IMMP2L: variants seen among roughly 807,000 people sequenced by gnomAD.
The protein encoded by IMMP2L is inner mitochondrial membrane peptidase subunit 2.
A neutral mutation model predicts 19.3 loss-of-function variants in IMMP2L; 18 were observed. The observed-to-expected ratio is 0.93, with a 90% CI of 0.64 to 1.38. The LOEUF (loss-of-function observed/expected upper bound fraction) is 1.38, where lower values mean the gene tolerates loss of function less well. IMMP2L is among the 40% of genes most tolerant of loss of function. The pLI is 0.00. For missense variants in IMMP2L, 233 were observed against 218.2 expected (o/e 1.07, Z -0.43); for synonymous variants, 76 against 73.0 (o/e 1.04, Z -0.21).
At chr7:110,847,467 T>G (rs10256612) in intron 5 of IMMP2L, among the ~76,000 whole-genome samples, 8,135 of 152,218 alleles carry the variant, frequency 0.053, 706 homozygotes, top group African/African-American at 0.18. Flanking sequence ...AAAAGTAAAA[T>G]AGCATTACTT....
At chr7:110,951,851 C>A (rs1817867302) in intron 4 of IMMP2L, among the ~76,000 whole-genome samples, 2 of 152,056 alleles carry the variant, frequency 1.3e-5, no homozygotes, top group South Asian at 2.1e-4. Flanking sequence ...AAATCAATAA[C>A]TTGAATGTAT....
intron 5 of IMMP2L, among the ~76,000 whole-genome samples, chr7:110,666,812 A>G (rs1208644677): frequency 6.6e-6 from 1 of 152,224 alleles, no homozygotes; most frequent in Non-Finnish European, 1.5e-5. Flanking sequence ...CAAGGTGACT[A>G]CACTACAACC....
intron 3 of IMMP2L, among the ~76,000 whole-genome samples, chr7:111,271,407 A>C (rs1818458333): frequency 6.6e-6 from 1 of 152,036 alleles, no homozygotes; most frequent in African/African-American, 2.4e-5. Flanking sequence ...ACAAATTAAG[A>C]CTGCTTTTGG....
intron 4 of IMMP2L, among the ~76,000 whole-genome samples, chr7:110,937,225 G>T (rs1333552306): frequency 6.6e-6 from 1 of 151,984 alleles, no homozygotes. Context: ...AAAACATTAC[G>T]CTAAGTGAAA....
intron 3 of IMMP2L, among the ~76,000 whole-genome samples, chr7:111,054,870 T>C (rs909475666): frequency 2.0e-5 from 3 of 152,152 alleles, no homozygotes; most frequent in East Asian, 1.9e-4. Flanking sequence ...TAGTAAAAGA[T>C]AGAAGAGAAT....
intron 1 of IMMP2L, among the ~76,000 whole-genome samples, chr7:111,537,971 T>C (rs1226116816): frequency 6.6e-6 from 1 of 152,034 alleles, no homozygotes; most frequent in Non-Finnish European, 1.5e-5. Flanking sequence ...CCTTTCTTTG[T>C]TTTGGCCAGC....
chr7:110,825,468 G>T (rs1395027235), intron 5 of IMMP2L, among the ~76,000 whole-genome samples: 1 of 152,072 alleles, frequency 6.6e-6, no homozygotes, highest in African/African-American at 2.4e-5. Flanking sequence ...AAAACAGCAT[G>T]GTACTGGTAC....
At chr7:110,767,886 A>G (rs1330905962) in intron 5 of IMMP2L, among the ~76,000 whole-genome samples, 3 of 152,102 alleles carry the variant, frequency 2.0e-5, no homozygotes, top group Non-Finnish European at 4.4e-5. Flanking sequence ...CACTTAAGAC[A>G]TTTTTTTGGA....
At chr7:110,683,028 G>A (rs1792844140) in intron 5 of IMMP2L, among the ~76,000 whole-genome samples, 1 of 152,110 alleles carries the variant, frequency 6.6e-6, no homozygotes, top group Non-Finnish European at 1.5e-5. Context: ...GGGCCATTGA[G>A]ATTAGTGCAC....
At chr7:110,823,764 GA>G (rs981826920) in intron 5 of IMMP2L, among the ~76,000 whole-genome samples, 16 of 152,006 alleles carry the variant, frequency 1.1e-4, no homozygotes, top group Non-Finnish European at 2.4e-4. Flanking sequence ...ACTAACAGAT[GA>G]AAAAAATTCT....
intron 4 of IMMP2L, among the ~76,000 whole-genome samples, chr7:110,946,233 T>A (rs1817237243): frequency 6.6e-6 from 1 of 152,194 alleles, no homozygotes; most frequent in Non-Finnish European, 1.5e-5. Flanking sequence ...ACAAGTTCCC[T>A]GCTGACTCTG....
chr7:110,907,992 C>T lies in IMMP2L; in HGVS notation c.306-21297G>A, dbSNP rs1409839364. On this transcript the variant is annotated intron_variant, in intron 4 of 5. Coordinates refer to ENST00000405709, the MANE Select transcript of IMMP2L (RefSeq NM_032549.4). ...ACTTGCTGCTTGGCTGGATATGTCT[C>T]ATGAGCAAGAGGGAGGAGTTAAAGA... Among the ~76,000 whole-genome samples the T allele has an allele frequency of 3.3e-5, 5 of 152,124 alleles. No individual in the cohort carries two copies. In the South Asian group the frequency reaches 1.0e-3, roughly 32 times the overall value.
At chr7:111,113,122 T>A (rs998796054) in intron 3 of IMMP2L, among the ~76,000 whole-genome samples, 1 of 152,154 alleles carries the variant, frequency 6.6e-6, no homozygotes, top group African/African-American at 2.4e-5. Context: ...CTCCAAAATA[T>A]AATTTTAAGA....
intron 3 of IMMP2L, among the ~76,000 whole-genome samples, chr7:111,041,522 C>CT (rs900465319): frequency 1.3e-5 from 2 of 151,412 alleles, no homozygotes; most frequent in African/African-American, 4.9e-5. Context: ...AAGTTAAACT[C>CT]TTTTTGATAT....
At chr7:111,434,777 C>T (rs943404184) in intron 3 of IMMP2L, among the ~76,000 whole-genome samples, 2 of 151,728 alleles carry the variant, frequency 1.3e-5, no homozygotes, top group African/African-American at 4.9e-5. Context: ...TGGTCTCAAA[C>T]TCTTGACCTC....
At chr7:111,089,184 G>T (rs578057982) in intron 3 of IMMP2L, among the ~76,000 whole-genome samples, 2 of 152,142 alleles carry the variant, frequency 1.3e-5, no homozygotes, top group African/African-American at 2.4e-5. Context: ...AAACTGAAAA[G>T]ATTTTTTCTT....
At chr7:110,753,583 G>A (rs1797860437) in intron 5 of IMMP2L, among the ~76,000 whole-genome samples, 1 of 151,986 alleles carries the variant, frequency 6.6e-6, no homozygotes, top group Admixed American at 6.6e-5. Flanking sequence ...ACCACATGCA[G>A]GAATTGCAAA....
chr7:111,137,152 T>C (rs937982731), intron 3 of IMMP2L, among the ~76,000 whole-genome samples: 1 of 152,162 alleles, frequency 6.6e-6, no homozygotes, highest in Admixed American at 6.6e-5. Flanking sequence ...CACTTTCTAG[T>C]GGCAATAAGG....
intron 3 of IMMP2L, among the ~76,000 whole-genome samples, chr7:111,117,571 A>C (rs1800038195): frequency 1.3e-5 from 2 of 152,088 alleles, no homozygotes; most frequent in Non-Finnish European, 2.9e-5. Context: ...GTTTTGAAAA[A>C]CTGGAAAAGA....
Sources: allele counts gnomAD v4.1 joint callset (sites outside exome capture counted in the v4.1 genomes callset), GRCh38; gene constraint gnomAD v4.1.1; transcripts MANE v1.5; gene names NCBI Gene and HGNC (gene_info 2026-07-23, HGNC 2026-07-21).